EIF2D: variants seen among roughly 807,000 people sequenced by gnomAD.
EIF2D encodes the protein hepatocellular carcinoma-associated antigen 56.
Under a neutral mutation model 77.4 loss-of-function variants are expected in EIF2D, and 56 were observed. That is an observed-to-expected ratio of 0.72 (90% CI 0.58 to 0.90). The LOEUF (loss-of-function observed/expected upper bound fraction) is 0.90, where lower values mean the gene tolerates loss of function less well. Ranked by LOEUF, EIF2D falls within the 40% of genes least tolerant of loss-of-function variation. EIF2D has a pLI of 0.00. For synonymous variants in EIF2D, 230 were observed against 271.0 expected (o/e 0.85, Z 1.49); for missense variants, 574 against 706.5 (o/e 0.81, Z 2.13).
At position 206,599,091 on chromosome 1, in the gene EIF2D, T is replaced by C; in HGVS notation, c.1204A>G (p.Lys402Glu). 6.2e-7 allele frequency: 1 copy of C among 1,613,962 alleles called. No individual in the cohort carries two copies. Among genetic ancestry groups the C allele is most frequent in the Non-Finnish European group, 8.5e-7 (1 of 1,179,914 alleles). Residue 402 changes from lysine to glutamate, a missense_variant and splice_region_variant, in exon 11 of 15, where the codon AAG (lysine) becomes GAG (glutamate). Transcript: ENST00000271764. The surrounding 1 kb of genome is among the most constrained non-coding windows in gnomAD (Gnocchi z 4.1). Reference protein sequence around the residue: ...TLLFQESGHKKGSFLEGSEVR... With the variant: ...TLLFQESGHKEGSFLEGSEVR... The stretch of plus-strand genomic sequence containing the variant: ...TCACTGCCCTCCAGAAAGCTCCCCT[T>C]CCTAGGTGAGGAGAAGTGACCCAGG...
At chr1:206,606,096 A>C (rs1197611726) in intron 4 of EIF2D, among the ~76,000 whole-genome samples, 1 of 152,258 alleles carries the variant, frequency 6.6e-6, no homozygotes, top group African/African-American at 2.4e-5. Flanking sequence ...GTAACTACAG[A>C]AACTTCCAAA....
Position 206,592,165 on chromosome 1 carries a change from C to T in EIF2D, c.1685-320G>A, listed in dbSNP as rs1669371112. Among the ~76,000 whole-genome samples, 1 of 152,226 alleles carries T rather than the reference C, an allele frequency of 6.6e-6. No homozygotes were observed. Among genetic ancestry groups the T allele is most frequent in the South Asian group, 2.1e-4 (1 of 4,838 alleles). On this transcript the variant is annotated intron_variant, in intron 14 of 14. Coordinates refer to ENST00000271764, the MANE Select transcript of EIF2D (RefSeq NM_006893.3). The surrounding 1 kb of genome is among the most constrained non-coding windows in gnomAD (Gnocchi z 4.7). ...GGGTTCTTCACATAAAGAGGCTCAA[C>T]TCTAGAAGTTAACTGTCAGGTACTG...
At chr1:206,598,933 C>T (rs757450235) in intron 11 of EIF2D, 70 bp downstream of exon 11, 18 of 1,476,738 alleles carry the variant, frequency 1.2e-5, no homozygotes, top group Non-Finnish European at 1.6e-5. Context: ...AGACATCCTC[C>T]CCAAATGTGT....
rs147060802 is a variant in EIF2D at position 206,597,737 on chromosome 1, G to C, written c.1293-542C>G. 5.6e-3 allele frequency among the ~76,000 whole-genome samples: 850 copies of C among 152,084 alleles called. 6 individuals are homozygous for C. The highest frequency in any genetic ancestry group is 0.018 in the African/African-American group (726 of 41,466). ...AGATGGGTGGATCACTTGAGGTCAGGAGTTCAAGACTAGCCTGGCCAACAT... is the reference window on the plus strand; with the variant it reads ...AGATGGGTGGATCACTTGAGGTCAGCAGTTCAAGACTAGCCTGGCCAACAT... On this transcript the variant is annotated intron_variant, in intron 11 of 14. Transcript: ENST00000271764.
intron 6 of EIF2D, 56 bp from the exon 7 acceptor site, chr1:206,602,509 C>G: frequency 6.8e-7 from 1 of 1,470,718 alleles, no homozygotes; most frequent in South Asian, 1.1e-5. Context: ...ACACCTGGTA[C>G]AAGAAAACGA....
Position 206,605,523 on chromosome 1 carries a change from C to T in EIF2D, c.423-16G>A, listed in dbSNP as rs1670165493. On this transcript the variant is annotated splice_polypyrimidine_tract_variant and intron_variant, in intron 4 of 14. Transcript: ENST00000271764. ...TACAGGGGCTCTAAGAAGAAGGAAGCCAGAGACCAGGGTCATGGAAAATCT... is the reference window on the plus strand; with the variant it reads ...TACAGGGGCTCTAAGAAGAAGGAAGTCAGAGACCAGGGTCATGGAAAATCT... 9 of 1,606,382 alleles carry T rather than the reference C, an allele frequency of 5.6e-6. No individual in the cohort carries two copies. The highest frequency in any genetic ancestry group is 6.8e-6 in the Non-Finnish European group (8 of 1,173,624).
chr1:206,585,128 C>A, intron 2 of EIF2D: 1 of 1,396,260 alleles, frequency 7.2e-7, no homozygotes, highest in Non-Finnish European at 1.0e-6. Context: ...CAAGCCTGGG[C>A]CCCGCCCTTC....
chr1:206,593,776 G>A lies in EIF2D; in HGVS notation c.1527C>T (p.Asn509=). Residue 509 remains asparagine, a synonymous_variant, in exon 14 of 15, where the codon AAC becomes AAT. Transcript: ENST00000271764. The part of the protein sequence containing the change: ...ASNKKVTVVR[N]LEAYGLDPYS... ...ATGGGTCCAGACCATAGGCCTCCAA[G>A]TTCCGGACCACGGTCACCTGGGGGG... 3 of 1,601,568 alleles carry A rather than the reference G, an allele frequency of 1.9e-6. No individual in the cohort carries two copies. The highest frequency in any genetic ancestry group is 2.6e-6 in the Non-Finnish European group (3 of 1,170,758).
At chr1:206,583,887 G>A (rs1212519704) in intron 2 of EIF2D, among the ~76,000 whole-genome samples, 1 of 152,176 alleles carries the variant, frequency 6.6e-6, no homozygotes, top group Non-Finnish European at 1.5e-5. Context: ...CTGGCTCTTT[G>A]GGGTTCAGCC....
chr1:206,583,246 C>G, intron 2 of EIF2D: 1 of 1,505,750 alleles, frequency 6.6e-7, no homozygotes, highest in South Asian at 1.1e-5. Flanking sequence ...ACACATCCAC[C>G]TCCACTTCTG....
chr1:206,589,995 A>T (rs1669290004), downstream of EIF2D, among the ~76,000 whole-genome samples: 1 of 152,248 alleles, frequency 6.6e-6, no homozygotes, highest in Non-Finnish European at 1.5e-5. Context: ...CCAAAAATGA[A>T]GCACTTTCTG....
At chr1:206,609,619 T>G (rs975575805) in intron 2 of EIF2D, among the ~76,000 whole-genome samples, 160 bp from the exon 3 acceptor site, 3 of 152,142 alleles carry the variant, frequency 2.0e-5, no homozygotes, top group Non-Finnish European at 4.4e-5. Context: ...GAGGTTTCAT[T>G]TTTGAGGAAG....
rs1318526530 is a variant in EIF2D at position 206,591,967 on chromosome 1, A to T, written c.1685-122T>A. 4.5e-6 allele frequency: 4 copies of T among 887,672 alleles called. No homozygotes were observed. In the Admixed American group the frequency reaches 7.4e-5, roughly 16 times the overall value. The allele number at this position is 887,672 out of a possible 1,614,324, so 55.0% of individuals were successfully genotyped here. A position where few individuals can be genotyped will look rare whatever the true frequency, so the allele number is the denominator to read the frequency against. ...CAGCTCAAACTCAACTTCGGGACTG[A>T]CCACTTACGCCTACACCTCACAGCT... On this transcript the variant is annotated intron_variant, in intron 14 of 14. Coordinates refer to ENST00000271764, the MANE Select transcript of EIF2D (RefSeq NM_006893.3).
intron 4 of EIF2D, among the ~76,000 whole-genome samples, chr1:206,607,502 T>C (rs1308553413): frequency 6.6e-6 from 1 of 152,244 alleles, no homozygotes. Context: ...CTCATGCCTG[T>C]GATCCCAACT....
At position 206,599,744 on chromosome 1, in the gene EIF2D, C is replaced by T; in HGVS notation, c.1041G>A (p.Trp347Ter). Reference sequence around the variant, plus strand: ...CCCCCTGCACTCACCTCGGGTGTTTCCAGTCCACAGCCACAATGCTCTCCA... The same window carrying T: ...CCCCCTGCACTCACCTCGGGTGTTTTCAGTCCACAGCCACAATGCTCTCCA... ...KGVESIVAVD[W>*]KHPRITSFVI... is the part of the protein sequence containing the mutation. The change falls in exon 9 of 15, where the codon TGG (tryptophan) becomes TGA (stop). Residue 347 changes from tryptophan (W) to a stop codon, truncating the protein, a stop_gained. Transcript: ENST00000271764. LOFTEE classifies it high-confidence loss of function. This position sits in a 1 kb window ranked among gnomAD's most constrained non-coding sequence, Gnocchi z 4.1. 1 of 1,614,204 alleles carries T rather than the reference C, an allele frequency of 6.2e-7. No homozygotes were observed. Among genetic ancestry groups the T allele is most frequent in the Middle Eastern group, 1.6e-4 (1 of 6,062 alleles).
chr1:206,596,640 G>A (rs1553410129), intron 12 of EIF2D, among the ~76,000 whole-genome samples: 1 of 152,102 alleles, frequency 6.6e-6, no homozygotes, highest in Non-Finnish European at 1.5e-5. Flanking sequence ...TCTTATTGAA[G>A]TTTTATTTTA....
intron 13 of EIF2D, 90 bp from the exon 14 acceptor site, chr1:206,593,883 C>A (rs564266195): frequency 5.2e-5 from 62 of 1,188,414 alleles, no homozygotes; most frequent in Non-Finnish European, 7.0e-5. Context: ...GCCTTCTGAG[C>A]CCCTGTGTTC....
chr1:206,600,927 T>A (rs2102290123), intron 7 of EIF2D: 1 of 152,488 alleles, frequency 6.6e-6, no homozygotes, highest in African/African-American at 2.4e-5. Flanking sequence ...ATATTTACTA[T>A]CTGGCCCTTT....
intron 4 of EIF2D, among the ~76,000 whole-genome samples, chr1:206,574,738 G>A (rs569123158): frequency 6.6e-6 from 1 of 152,226 alleles, no homozygotes; most frequent in Admixed American, 6.5e-5. Flanking sequence ...TGGTGGGTCT[G>A]TGGAGTCCAT....
Sources: gnomAD v4.1 joint callset for allele counts (sites outside exome capture counted in the v4.1 genomes callset) on GRCh38, gnomAD v4.1.1 for gene constraint, Gnocchi (gnomAD v3.1) non-coding constraint, MANE v1.5 for transcripts, NCBI Gene and HGNC (gene_info 2026-07-23, HGNC 2026-07-21) for gene names.